Variants in EDNRB observed in about 807,000 individuals in gnomAD.
EDNRB encodes Hirschsprung disease 2.
A neutral mutation model predicts 46.4 loss-of-function variants in EDNRB; 18 were observed. That is an observed-to-expected ratio of 0.39 (90% CI 0.27 to 0.57). EDNRB has a LOEUF of 0.57. Among genes scored for constraint, EDNRB ranks in the 20% least tolerant of loss-of-function variants. The probability of loss-of-function intolerance (pLI) is 0.61; values close to 1 mark genes in which losing one functional copy is unlikely to be tolerated. For missense variants in EDNRB, 434 were observed against 537.5 expected (o/e 0.81, Z 1.90); for synonymous variants, 213 against 204.9 (o/e 1.04, Z -0.34).
intron 1 of EDNRB, among the ~76,000 whole-genome samples, chr13:77,953,227 A>G (rs1422437262): frequency 6.6e-6 from 1 of 152,190 alleles, no homozygotes; most frequent in Non-Finnish European, 1.5e-5. Context: ...CTGTCCTTTC[A>G]TTATGAATAT....
intron 1 of EDNRB, among the ~76,000 whole-genome samples, chr13:77,974,507 T>G (rs968589961): frequency 4.6e-5 from 7 of 152,156 alleles, no homozygotes; most frequent in African/African-American, 1.7e-4. Flanking sequence ...AATTATCAAT[T>G]ATAGGTTTCA....
chr13:77,942,054 T>A (rs1405910781), intron 1 of EDNRB, among the ~76,000 whole-genome samples: 2 of 152,208 alleles, frequency 1.3e-5, no homozygotes, highest in Non-Finnish European at 2.9e-5. Context: ...TCAATTCTTG[T>A]GCTTTGTCTA....
intron 1 of EDNRB, among the ~76,000 whole-genome samples, chr13:77,966,095 C>A (rs1325498898): frequency 6.6e-6 from 1 of 151,866 alleles, no homozygotes; most frequent in Non-Finnish European, 1.5e-5. Flanking sequence ...TGCTATGTTC[C>A]CCAGGTTGGT....
intron 1 of EDNRB, among the ~76,000 whole-genome samples, chr13:77,949,877 C>T (rs1298658803): frequency 6.6e-6 from 1 of 152,130 alleles, no homozygotes; most frequent in Non-Finnish European, 1.5e-5. Flanking sequence ...CCATAGTTAA[C>T]AGGATTTTTC....
At chr13:77,930,360 CA>C (rs1366508482) in intron 1 of EDNRB, among the ~76,000 whole-genome samples, 11 of 152,306 alleles carry the variant, frequency 7.2e-5, no homozygotes, top group Non-Finnish European at 1.5e-4. Flanking sequence ...AATGTACTTA[CA>C]TGCATGAAGT....
chr13:77,974,846 T>C (rs1397587482), intron 1 of EDNRB, among the ~76,000 whole-genome samples: 1 of 152,118 alleles, frequency 6.6e-6, no homozygotes, highest in African/African-American at 2.4e-5. Context: ...TTACATAAAG[T>C]TCTAAGTTTT....
At chr13:77,906,199 C>A (rs1389920154) in intron 1 of EDNRB, among the ~76,000 whole-genome samples, 3 of 151,784 alleles carry the variant, frequency 2.0e-5, no homozygotes, top group East Asian at 1.9e-4. Context: ...CATGGTGAAG[C>A]CATTTACTGA....
chr13:77,955,504 T>C (rs1304189939), intron 1 of EDNRB, among the ~76,000 whole-genome samples: 1 of 152,202 alleles, frequency 6.6e-6, no homozygotes, highest in Non-Finnish European at 1.5e-5. Context: ...TTGGCTTTTG[T>C]TGCTTATGCT....
chr13:77,943,286 G>A (rs534591853), intron 1 of EDNRB, among the ~76,000 whole-genome samples: 16 of 152,026 alleles, frequency 1.1e-4, no homozygotes, highest in Non-Finnish European at 2.1e-4. Flanking sequence ...AAATGCTCAC[G>A]TAGAGTCTCA....
At chr13:77,923,381 T>C (rs1490415467), upstream of EDNRB, among the ~76,000 whole-genome samples, 1 of 152,226 alleles carries the variant, frequency 6.6e-6, no homozygotes, top group Non-Finnish European at 1.5e-5. Context: ...CACAGAACTT[T>C]TGTAACAACT....
At chr13:77,943,249 A>G (rs1169430595) in intron 1 of EDNRB, among the ~76,000 whole-genome samples, 1 of 152,118 alleles carries the variant, frequency 6.6e-6, no homozygotes, top group Non-Finnish European at 1.5e-5. Context: ...ACTTGAATCT[A>G]TTAGAATTTA....
intron 1 of EDNRB, among the ~76,000 whole-genome samples, chr13:77,968,100 A>T (rs1881631055): frequency 6.6e-6 from 1 of 152,176 alleles, no homozygotes; most frequent in South Asian, 2.1e-4. Flanking sequence ...TATGAAATCA[A>T]TTTTTTATCA....
At chr13:77,930,153 G>C (rs1161908462) in intron 1 of EDNRB, among the ~76,000 whole-genome samples, 1 of 152,160 alleles carries the variant, frequency 6.6e-6, no homozygotes, top group Non-Finnish European at 1.5e-5. Context: ...GAAATGGGCA[G>C]GACTGACTGC....
chr13:77,936,053 C>G (rs1594384408), intron 1 of EDNRB, among the ~76,000 whole-genome samples: 1 of 152,118 alleles, frequency 6.6e-6, no homozygotes, highest in Non-Finnish European at 1.5e-5. Context: ...CCTTTTAAAG[C>G]ATGCTGTGGG....
intron 1 of EDNRB, among the ~76,000 whole-genome samples, chr13:77,930,627 A>G (rs1027818310): frequency 1.3e-5 from 2 of 152,218 alleles, no homozygotes; most frequent in Admixed American, 6.5e-5. Flanking sequence ...AACCATGCAC[A>G]TTAGTGCAGA....
upstream of EDNRB, among the ~76,000 whole-genome samples, chr13:77,921,804 T>A (rs1880094082): frequency 6.6e-6 from 1 of 152,234 alleles, no homozygotes; most frequent in Non-Finnish European, 1.5e-5. Flanking sequence ...TTAAAGTTAC[T>A]TCTTGCTCCA....
chr13:77,956,313 G>T (rs1881238640), intron 1 of EDNRB, among the ~76,000 whole-genome samples: 3 of 151,896 alleles, frequency 2.0e-5, no homozygotes, highest in African/African-American at 4.8e-5. Flanking sequence ...TTCATTTTCA[G>T]ATGTGTCATT....
chr13:77,917,953 A>G, intron 1 of EDNRB, 138 bp downstream of exon 1: 3 of 1,355,538 alleles, frequency 2.2e-6, no homozygotes, highest in Non-Finnish European at 2.1e-6. Flanking sequence ...TTTGGTTCCA[A>G]AGATTACTGA....
chr13:77,898,549 T>G (rs1878759506), intron 6 of EDNRB, among the ~76,000 whole-genome samples: 1 of 152,026 alleles, frequency 6.6e-6, no homozygotes, highest in Non-Finnish European at 1.5e-5. Flanking sequence ...AAAACCTACA[T>G]AGTTAAAATT....
Sources: gnomAD v4.1 joint callset for allele counts (sites outside exome capture counted in the v4.1 genomes callset) on GRCh38, gnomAD v4.1.1 for gene constraint, MANE v1.5 for transcripts, NCBI Gene and HGNC (gene_info 2026-07-23, HGNC 2026-07-21) for gene names.